The following SMCHD1 variants were observed in gnomAD, a reference collection of about 807,000 sequenced individuals.
The protein encoded by SMCHD1 is structural maintenance of chromosomes flexible hinge domain containing 1, also known as structural maintenance of chromosomes flexible hinge domain-containing protein 1.
SMCHD1 carries 78 observed loss-of-function variants against 254.7 expected under a neutral mutation model. The observed-to-expected ratio is 0.31, with a 90% confidence interval of 0.26 to 0.37. The LOEUF (loss-of-function observed/expected upper bound fraction) is 0.37. Ranked by LOEUF, SMCHD1 falls within the 10% of genes least tolerant of loss-of-function variation. The pLI, the probability that SMCHD1 is intolerant of heterozygous loss-of-function variation, is 1.00. For missense variants in SMCHD1, 1,840 were observed against 2,408.1 expected, an observed-to-expected ratio of 0.76 and a Z score of 4.94; for synonymous variants, 766 against 794.9, an observed-to-expected ratio of 0.96 and a Z score of 0.61.
chr18:2,733,928 G>A (rs938394475), intron 25 of SMCHD1, among the ~76,000 whole-genome samples: 3 of 152,130 alleles, frequency 2.0e-5, no homozygotes, highest in African/African-American at 7.2e-5. Context: ...CTCTTAGTAC[G>A]GAGTCCCAAT....
chr18:2,793,315 C>T (rs1020019856), intron 45 of SMCHD1, among the ~76,000 whole-genome samples: 16 of 152,118 alleles, frequency 1.1e-4, no homozygotes, highest in African/African-American at 3.1e-4. Context: ...AATAACCTAT[C>T]TTAATATTGT....
intron 13 of SMCHD1, among the ~76,000 whole-genome samples, chr18:2,704,929 T>C (rs1004823551): frequency 6.6e-6 from 1 of 152,106 alleles, no homozygotes; most frequent in Non-Finnish European, 1.5e-5. Context: ...CTGACAGGGA[T>C]AAGCTGGTGA....
rs2075824292 is a variant in SMCHD1 at position 2,763,769 on chromosome 18, A to G, written c.4699A>G (p.Asn1567Asp). The G allele has an allele frequency of 6.2e-7, 1 of 1,609,246 alleles. No individual in the cohort carries two copies. Among genetic ancestry groups the G allele is most frequent in the African/African-American group, 1.3e-5 (1 of 74,548 alleles). ...KVRTLEFPFV[N>D]GSAEIMSLVL... Reference sequence around the variant, plus strand: ...TAGAACACTTGAATTCCCCTTCGTGAATGGTTCGGCTGAAATCATGGTAAA... The same window carrying G: ...TAGAACACTTGAATTCCCCTTCGTGGATGGTTCGGCTGAAATCATGGTAAA... Residue 1567 changes from asparagine (N) to aspartate (D), a missense_variant, in exon 37 of 48, where the codon AAT becomes GAT. Asn to Asp is a conservative substitution (Grantham distance 23). Transcript: ENST00000320876.
chr18:2,754,926 C>T (rs2075645224), intron 34 of SMCHD1, among the ~76,000 whole-genome samples: 1 of 151,870 alleles, frequency 6.6e-6, no homozygotes, highest in Admixed American at 6.6e-5. Flanking sequence ...ACATGAGGTC[C>T]ATCGTAAATG....
intron 1 of SMCHD1, among the ~76,000 whole-genome samples, chr18:2,658,824 A>ATG (rs1355233401): frequency 3.3e-5 from 5 of 151,272 alleles, no homozygotes; most frequent in African/African-American, 9.7e-5. Context: ...ATACATATAT[A>ATG]TGTGTGTGTG....
intron 34 of SMCHD1, among the ~76,000 whole-genome samples, chr18:2,757,404 AG>A (rs1016854462): frequency 6.6e-6 from 1 of 151,864 alleles, no homozygotes; most frequent in Non-Finnish European, 1.5e-5. Context: ...GGTAGATATC[AG>A]GGCCTCACTG....
At chr18:2,772,407 A>G (rs1303851390) in intron 41 of SMCHD1, 35 bp downstream of exon 41, 2 of 1,484,888 alleles carry the variant, frequency 1.3e-6, no homozygotes, top group African/African-American at 2.9e-5. Flanking sequence ...AAGGCAGTAC[A>G]TTTTATTATC....
At chr18:2,791,797 A>G (rs2076171199) in intron 45 of SMCHD1, among the ~76,000 whole-genome samples, 1 of 152,190 alleles carries the variant, frequency 6.6e-6, no homozygotes, top group Admixed American at 6.5e-5. Flanking sequence ...ACTATAGTTC[A>G]CAGACAGGTT....
chr18:2,718,620 A>G lies in SMCHD1; in HGVS notation c.2458+186A>G, dbSNP rs370713897. On this transcript the variant is annotated intron_variant, in intron 19 of 47. Coordinates refer to ENST00000320876, the MANE Select transcript of SMCHD1 (RefSeq NM_015295.3). The surrounding 1 kb of genome is among the most constrained non-coding windows in gnomAD (Gnocchi z 4.6). ...ACCCAGGCTGGAGTGCAGTGGCACA[A>G]TCTCGGCTCACTGCAACCTCCGCTT... 6.6e-6 allele frequency among the ~76,000 whole-genome samples: 1 copy of G among 152,168 alleles called. No individual in the cohort carries two copies.
At chr18:2,675,692 C>T (rs1341709209) in intron 5 of SMCHD1, among the ~76,000 whole-genome samples, 1 of 152,028 alleles carries the variant, frequency 6.6e-6, no homozygotes, top group Non-Finnish European at 1.5e-5. Flanking sequence ...TAGCATATCA[C>T]AGAAGTATTA....
At chr18:2,743,718 A>G (rs1485107089) in intron 28 of SMCHD1, 43 bp from the exon 29 acceptor site, 4 of 1,458,962 alleles carry the variant, frequency 2.7e-6, no homozygotes, top group Non-Finnish European at 3.7e-6. Flanking sequence ...TCTGAACACT[A>G]AGTGATACCC....
intron 34 of SMCHD1, among the ~76,000 whole-genome samples, chr18:2,757,351 C>T (rs79018653): frequency 0.049 from 7,388 of 152,034 alleles, 560 homozygotes; most frequent in African/African-American, 0.17. Flanking sequence ...GCTAGGACTA[C>T]AGATGTGTGC....
intron 34 of SMCHD1, among the ~76,000 whole-genome samples, chr18:2,759,106 C>T (rs868647584): frequency 8.5e-5 from 13 of 152,146 alleles, no homozygotes; most frequent in African/African-American, 3.1e-4. Flanking sequence ...TTGTGATTTT[C>T]TCTTAGTTTC....
At chr18:2,767,584 CTTTTTTTTTTTTTT>C (rs397858216) in intron 37 of SMCHD1, among the ~76,000 whole-genome samples, 6 of 89,252 alleles carry the variant, frequency 6.7e-5, no homozygotes, top group Non-Finnish European at 1.0e-4. Flanking sequence ...AACCTATTTC[CTTTTTTTTTTTTTT>C]TTTTTTTTTG....
Position 2,656,165 on chromosome 18 carries a change from G to A in SMCHD1, c.90G>A (p.Leu30=), listed in dbSNP as rs1555622278. ...GCGTCGGCCACAGGACGGTGTACTT[G>A]TTTGATCGGCGCGAAAAGGAGTCCG... ...GGGVGHRTVY[L]FDRREKESEL... Residue 30 remains leucine (L), a synonymous_variant, in exon 1 of 48, where the codon TTG becomes TTA. Coordinates refer to ENST00000320876, the MANE Select transcript of SMCHD1 (RefSeq NM_015295.3). The A allele has an allele frequency of 1.3e-6, 2 of 1,515,850 alleles. No homozygotes were observed. Among genetic ancestry groups the A allele is most frequent in the African/African-American group, 2.9e-5 (2 of 68,874 alleles). 93.9% of individuals were successfully genotyped at this position (1,515,850 alleles called of 1,614,324 possible).
At chr18:2,775,970 G>GT (rs778216558) in intron 42 of SMCHD1, 46 bp downstream of exon 42, 2 of 1,431,748 alleles carry the variant, frequency 1.4e-6, no homozygotes, top group Non-Finnish European at 1.9e-6. Flanking sequence ...TATATTTTCT[G>GT]TTTTTTATCA....
chr18:2,802,736 C>T lies in SMCHD1; in HGVS notation c.*184C>T, dbSNP rs537747993. 1.9e-5 allele frequency: 9 copies of T among 475,250 alleles called. No homozygotes were observed. The East Asian group carries it at 2.7e-4, about 14-fold the overall frequency. 29.4% of individuals were successfully genotyped at this position (475,250 alleles called of 1,614,324 possible). On this transcript the variant is annotated 3_prime_UTR_variant, in exon 48 of 48. Transcript: ENST00000320876. ...GAAACAACCATTCAATTTTATGAAT[C>T]TTACTGGACATTATGGATTTACTGG... is the stretch of plus-strand genomic sequence containing the variant.
chr18:2,733,389 C>G (rs572864205), intron 25 of SMCHD1, among the ~76,000 whole-genome samples: 7 of 152,152 alleles, frequency 4.6e-5, no homozygotes, highest in Non-Finnish European at 1.0e-4. Context: ...TACATAAATA[C>G]TATAATAATA....
chr18:2,795,949 A>G lies in SMCHD1; in HGVS notation c.5720A>G (p.Asp1907Gly). Residue 1907 changes from aspartate (D) to glycine (G), a missense_variant and splice_region_variant, in exon 46 of 48, where the codon GAT becomes GGT. Physicochemically the swap from Asp to Gly is moderately conservative, Grantham distance 94 (BLOSUM62 -1). Coordinates refer to ENST00000320876, the MANE Select transcript of SMCHD1 (RefSeq NM_015295.3). ...KQCLILGEQI[D>G]LLQQYRSAVC... ...TCAAATGCATTTGGTTTCTTTACAGATCTTCTTCAGCAGTATCGTTCTGCT... is the reference window on the plus strand; with the variant it reads ...TCAAATGCATTTGGTTTCTTTACAGGTCTTCTTCAGCAGTATCGTTCTGCT... The G allele has an allele frequency of 6.3e-7, 1 of 1,577,926 alleles. No homozygotes were observed. The highest frequency in any genetic ancestry group is 1.2e-5 in the South Asian group (1 of 85,022).
Sources: allele counts gnomAD v4.1 joint callset (sites outside exome capture counted in the v4.1 genomes callset), GRCh38; gene constraint gnomAD v4.1.1; non-coding constraint Gnocchi (gnomAD v3.1); transcripts MANE v1.5; gene names NCBI Gene and HGNC (gene_info 2026-07-23, HGNC 2026-07-21).